Variants in BUD13 observed in about 807,000 individuals in gnomAD.
BUD13 encodes BUD13 homolog.
BUD13 carries 47 observed loss-of-function variants against 62.5 expected under a neutral mutation model. The observed-to-expected ratio is 0.75, with a 90% CI of 0.60 to 0.96. The LOEUF (loss-of-function observed/expected upper bound fraction) is 0.96. Ranked by LOEUF, BUD13 falls within the 40% of genes least tolerant of loss-of-function variation. The probability of loss-of-function intolerance (pLI) is 0.00; values close to 1 mark genes in which losing one functional copy is unlikely to be tolerated. For synonymous variants in BUD13, 293 were observed against 280.1 expected, an observed-to-expected ratio of 1.05 and a Z score of -0.46; for missense variants, 821 against 790.9, an observed-to-expected ratio of 1.04 and a Z score of -0.46.
chr11:116,750,366 T>C (rs1042525034), intron 9 of BUD13, among the ~76,000 whole-genome samples: 1 of 152,234 alleles, frequency 6.6e-6, no homozygotes, highest in South Asian at 2.1e-4. Flanking sequence ...GGTCTTCTTA[T>C]CTAAACTTCT....
chr11:116,764,169 T>C (rs1405235393), intron 3 of BUD13, among the ~76,000 whole-genome samples: 1 of 152,206 alleles, frequency 6.6e-6, no homozygotes, highest in Non-Finnish European at 1.5e-5. Flanking sequence ...CACCACAGAA[T>C]GAAATATCTA....
chr11:116,749,436 G>A (rs1170757912), intron 9 of BUD13, among the ~76,000 whole-genome samples: 2 of 152,180 alleles, frequency 1.3e-5, no homozygotes, highest in Admixed American at 6.5e-5. Flanking sequence ...AAGGTGACAT[G>A]AGGGTTGGGC....
chr11:116,749,216 G>A (rs1407556943), intron 9 of BUD13, among the ~76,000 whole-genome samples: 2 of 152,026 alleles, frequency 1.3e-5, no homozygotes, highest in Non-Finnish European at 1.5e-5. Flanking sequence ...AACATTTATT[G>A]AATTTTCATT....
intron 2 of BUD13, among the ~76,000 whole-genome samples, chr11:116,766,020 T>C (rs900756839): frequency 2.0e-5 from 3 of 152,216 alleles, no homozygotes; most frequent in African/African-American, 7.2e-5. Flanking sequence ...TCCTAATAAG[T>C]GGTCACTCGC....
rs1427806371 is a variant in BUD13, at chr11:116,772,877, A to G, written c.88T>C (p.Ser30Pro). ...CGCTTTTTGCGACGCTTGCGACCGG[A>G]CTCAGATCCCCGGTCGACGCCGGCA... Reference protein sequence around the residue: ...ADAGVDRGSESGRKRRKKRPK... With the variant: ...ADAGVDRGSEPGRKRRKKRPK... The change falls in exon 1 of 10, where the codon TCC (serine) becomes CCC (proline). Residue 30 changes from serine to proline, a missense_variant. Physicochemically the swap from Ser to Pro is moderately conservative, Grantham distance 74. Around this residue, in one of 2 missense-constraint regions of BUD13, gnomAD observed 800 missense variants for 739.2 expected, o/e 1.08. Transcript: ENST00000260210. 3.1e-6 allele frequency: 5 copies of G among 1,592,112 alleles called. No homozygotes were observed. The highest frequency in any genetic ancestry group is 3.4e-5 in the Admixed American group (2 of 58,474).
At chr11:116,765,943 T>A (rs1940523775) in intron 2 of BUD13, among the ~76,000 whole-genome samples, 1 of 152,226 alleles carries the variant, frequency 6.6e-6, no homozygotes, top group South Asian at 2.1e-4. Flanking sequence ...TCATTAATCT[T>A]TAAGAGCTAA....
intron 3 of BUD13, 140 bp downstream of exon 3, chr11:116,765,222 A>G (rs1326585429): frequency 3.6e-5 from 30 of 829,146 alleles, no homozygotes; most frequent in Non-Finnish European, 5.3e-5. Flanking sequence ...AAGAAGTCCA[A>G]CTTCCTTTTT....
At chr11:116,772,442 T>A (rs537923131) in intron 1 of BUD13, among the ~76,000 whole-genome samples, 1 of 152,310 alleles carries the variant, frequency 6.6e-6, no homozygotes, top group Non-Finnish European at 1.5e-5. Context: ...GTCCTTGGGA[T>A]CTGGGAATCC....
At chr11:116,760,489 G>A (rs1940409398) in intron 5 of BUD13, among the ~76,000 whole-genome samples, 1 of 152,216 alleles carries the variant, frequency 6.6e-6, no homozygotes, top group South Asian at 2.1e-4. Flanking sequence ...GTTAAAATGA[G>A]ATTGTAGAAT....
intron 2 of BUD13, 24 bp from the exon 3 acceptor site, chr11:116,765,470 C>T (rs1020247115): frequency 2.5e-6 from 4 of 1,611,802 alleles, no homozygotes; most frequent in Non-Finnish European, 3.4e-6. Context: ...GATTTCCTAT[C>T]TTAGGAAATC....
At chr11:116,751,538 G>A (rs1940234817) in intron 9 of BUD13, among the ~76,000 whole-genome samples, 1 of 152,064 alleles carries the variant, frequency 6.6e-6, no homozygotes, top group Non-Finnish European at 1.5e-5. Context: ...TGAGGCAAGA[G>A]AATTGCTTGA....
intron 9 of BUD13, among the ~76,000 whole-genome samples, chr11:116,754,744 C>T (rs1227247430): frequency 1.3e-5 from 2 of 152,092 alleles, no homozygotes; most frequent in African/African-American, 4.8e-5. Flanking sequence ...CTAGCTAATG[C>T]AACAGGGCAA....
chr11:116,772,369 C>G (rs1290333982), intron 1 of BUD13, among the ~76,000 whole-genome samples: 2 of 152,200 alleles, frequency 1.3e-5, no homozygotes, highest in African/African-American at 4.8e-5. Context: ...ATGTTAGCTT[C>G]TCACGTTAGG....
intron 4 of BUD13, 118 bp from the exon 5 acceptor site, chr11:116,761,070 AT>A (rs374312645): frequency 0.14 from 87,719 of 606,540 alleles, 557 homozygotes; most frequent in Middle Eastern, 0.18. Context: ...CATTATTATT[AT>A]TTTTTTTTTT....
chr11:116,772,892 C>A lies in BUD13; in HGVS notation c.73G>T (p.Asp25Tyr). The A allele has an allele frequency of 6.3e-7, 1 of 1,589,494 alleles. No individual in the cohort carries two copies. Among genetic ancestry groups the A allele is most frequent in the Non-Finnish European group, 8.6e-7 (1 of 1,168,888 alleles). Reference sequence around the variant, plus strand: ...TTGCGACCGGACTCAGATCCCCGGTCGACGCCGGCATCTGCCCCGGACAAG... The same window carrying A: ...TTGCGACCGGACTCAGATCCCCGGTAGACGCCGGCATCTGCCCCGGACAAG... ...RYLSGADAGV[D>Y]RGSESGRKRR... The change falls in exon 1 of 10, where the codon GAC becomes TAC. Residue 25 changes from aspartate to tyrosine, a missense_variant. Asp to Tyr is a radical substitution (Grantham distance 160, BLOSUM62 -3). This residue lies in a region of BUD13 where 800 missense variants were observed against 739.2 expected (regional missense o/e 1.08). Transcript: ENST00000260210.
chr11:116,765,359 C>T lies in BUD13; in HGVS notation c.322+3G>A. Reference sequence around the variant, plus strand: ...TTTAGATTTATCTATTGTTGGAACTCACCTCCCAGAAGCTTCCATTTGGCA... The same window carrying T: ...TTTAGATTTATCTATTGTTGGAACTTACCTCCCAGAAGCTTCCATTTGGCA... On this transcript the variant is annotated splice_donor_region_variant and intron_variant, in intron 3 of 9. Transcript: ENST00000260210. 6.2e-7 allele frequency: 1 copy of T among 1,614,016 alleles called. No homozygotes were observed. Among genetic ancestry groups the T allele is most frequent in the Non-Finnish European group, 8.5e-7 (1 of 1,179,916 alleles).
intron 3 of BUD13, among the ~76,000 whole-genome samples, chr11:116,765,047 C>A (rs1175261329): frequency 6.6e-6 from 1 of 152,132 alleles, no homozygotes; most frequent in African/African-American, 2.4e-5. Context: ...TTGTAAACTC[C>A]TCCCAAAGTC....
intron 5 of BUD13, 110 bp downstream of exon 5, chr11:116,760,625 A>T: frequency 8.0e-7 from 1 of 1,244,102 alleles, no homozygotes; most frequent in Non-Finnish European, 1.1e-6. Context: ...AAGATTTACT[A>T]CACTTCTCAG....
intron 2 of BUD13, among the ~76,000 whole-genome samples, chr11:116,767,117 G>A (rs552041692): frequency 1.3e-5 from 2 of 151,858 alleles, no homozygotes; most frequent in East Asian, 3.9e-4. Flanking sequence ...GAACCTGGGA[G>A]GCAGAGGCTG....
Sources: allele counts gnomAD v4.1 joint callset (sites outside exome capture counted in the v4.1 genomes callset), GRCh38; gene constraint gnomAD v4.1.1; regional missense constraint gnomAD v4.1.1; transcripts MANE v1.5; gene names NCBI Gene and HGNC (gene_info 2026-07-23, HGNC 2026-07-21).